OSBPL5: variants seen among roughly 807,000 people sequenced by gnomAD.
OSBPL5 encodes the protein oxysterol binding protein like 5.
In OSBPL5, 71 loss-of-function variants were observed where a neutral mutation model predicts 111.2. The observed-to-expected ratio is 0.64, with a 90% CI of 0.53 to 0.78. The LOEUF (loss-of-function observed/expected upper bound fraction) is 0.78. Ranked by LOEUF, OSBPL5 falls within the 30% of genes least tolerant of loss-of-function variation. OSBPL5 has a pLI of 0.00. For synonymous variants in OSBPL5, 549 were observed against 513.9 expected (o/e 1.07, Z -0.93); for missense variants, 1,210 against 1,189.3 (o/e 1.02, Z -0.26).
In OSBPL5 at chr11:3,137,218, C is replaced by T. The variant is rs534681935; in HGVS notation, c.-21-8049G>A. ...AGATGCACTCCCTGAGAGCAGACAG[C>T]AGCATAAGAGACCAGGCTGCTGTGT... On this transcript the variant is annotated intron_variant, in intron 1 of 21. Transcript: ENST00000263650. Among the ~76,000 whole-genome samples the T allele has an allele frequency of 8.9e-4, 135 of 152,344 alleles. 1 individual carries two copies. The highest frequency in any genetic ancestry group is 3.1e-3 in the African/African-American group (130 of 41,576).
At chr11:3,164,980 C>A (rs1265291082) in intron 1 of OSBPL5, among the ~76,000 whole-genome samples, 2 of 151,002 alleles carry the variant, frequency 1.3e-5, no homozygotes, top group East Asian at 2.0e-4. Context: ...TGGCCCGGGG[C>A]GCCCCCAGGC....
In OSBPL5 at chr11:3,104,179, G is replaced by C. The variant is rs772309275; in HGVS notation, c.1244+14C>G. ...GGACGAGGTGTGGGGTGCCCCTCCC[G>C]GCATGGCGCGCACCTGGAGAGCAGG... On this transcript the variant is annotated intron_variant, in intron 10 of 21. Coordinates refer to ENST00000263650, the MANE Select transcript of OSBPL5 (RefSeq NM_020896.4). The surrounding 1 kb of genome is among the most constrained non-coding windows in gnomAD (Gnocchi z 5.0). 11 of 1,592,590 alleles carry C rather than the reference G, an allele frequency of 6.9e-6. No individual in the cohort carries two copies. The highest frequency in any genetic ancestry group is 8.6e-6 in the Non-Finnish European group (10 of 1,164,218).
chr11:3,094,431 C>T (rs1857180039), intron 14 of OSBPL5, 97 bp from the exon 15 acceptor site: 10 of 924,716 alleles, frequency 1.1e-5, no homozygotes, highest in Admixed American at 6.0e-5. Flanking sequence ...CCCTGAGTCC[C>T]GACCCAGCAG....
At position 3,104,833 on chromosome 11, in the gene OSBPL5, TG is replaced by T. The variant is rs1474504844; in HGVS notation, c.1060-457del. Among the ~76,000 whole-genome samples the T allele has an allele frequency of 7.9e-5, 12 of 152,210 alleles. No individual in the cohort carries two copies. Among genetic ancestry groups the T allele is most frequent in the African/African-American group, 2.7e-4 (11 of 41,458 alleles). On this transcript the variant is annotated intron_variant, in intron 9 of 21. Coordinates refer to ENST00000263650, the MANE Select transcript of OSBPL5 (RefSeq NM_020896.4). This position sits in a 1 kb window ranked among gnomAD's most constrained non-coding sequence, Gnocchi z 5.0. ...AAGGTTATTGTAACATTTCTTTTTCTGTTTTTGAACCACTTTATTGAGGTCT... is the reference window on the plus strand; with the variant it reads ...AAGGTTATTGTAACATTTCTTTTTCTTTTTTGAACCACTTTATTGAGGTCT...
chr11:3,107,085 C>T lies in OSBPL5; in HGVS notation c.1059+178G>A, dbSNP rs4469872. Among the ~76,000 whole-genome samples the T allele has an allele frequency of 0.5, 76,008 of 152,106 alleles. 21,402 individuals carry two copies. Among genetic ancestry groups the T allele is most frequent in the African/African-American group, 0.75 (31,325 of 41,502 alleles). ...CCAGCGGGGCAGCCTCTTTGGAAGA[C>T]GGGAGGAGCCTGTTTACCTAAAAGA... On this transcript the variant is annotated intron_variant, in intron 9 of 21. Transcript: ENST00000263650. This position sits in a 1 kb window ranked among gnomAD's most constrained non-coding sequence, Gnocchi z 6.1.
chr11:3,103,641 C>G (rs562151096), intron 10 of OSBPL5, among the ~76,000 whole-genome samples: 1 of 150,310 alleles, frequency 6.7e-6, no homozygotes, highest in African/African-American at 2.5e-5. Flanking sequence ...GGCTCCTGAG[C>G]CTGCAGCCCC....
intron 1 of OSBPL5, among the ~76,000 whole-genome samples, chr11:3,152,071 C>T (rs1317280903): frequency 1.4e-4 from 22 of 152,196 alleles, no homozygotes; most frequent in Admixed American, 9.8e-4. Flanking sequence ...CCCAGCCTCC[C>T]GATTACATCA....
In OSBPL5 at chr11:3,104,260, C is replaced by A. The variant is rs573910214; in HGVS notation, c.1177G>T (p.Val393Leu). The change falls in exon 10 of 22, where the codon GTA (valine) becomes TTA (leucine). Residue 393 changes from valine to leucine, a missense_variant. Physicochemically the swap from Val to Leu is conservative, Grantham distance 32. Transcript: ENST00000263650. This position sits in a 1 kb window ranked among gnomAD's most constrained non-coding sequence, Gnocchi z 5.0. ...TTCAGGAAGGAGCGCGGCTCCAGTACGAACGTGGGTAGCACCACGCGGGAC... is the reference window on the plus strand; with the variant it reads ...TTCAGGAAGGAGCGCGGCTCCAGTAAGAACGTGGGTAGCACCACGCGGGAC... ...DLSRVVLPTFVLEPRSFLNKL... is the reference protein window; with the variant it reads ...DLSRVVLPTFLLEPRSFLNKL... 3.1e-6 allele frequency: 5 copies of A among 1,613,618 alleles called. No individual in the cohort carries two copies. Among genetic ancestry groups the A allele is most frequent in the Non-Finnish European group, 3.4e-6 (4 of 1,179,914 alleles).
At position 3,140,725 on chromosome 11, in the gene OSBPL5, C is replaced by T. The variant is rs1759585854; in HGVS notation, c.-21-11556G>A. Among the ~76,000 whole-genome samples the T allele has an allele frequency of 6.6e-6, 1 of 152,180 alleles. No individual in the cohort carries two copies. The highest frequency in any genetic ancestry group is 1.5e-5 in the Non-Finnish European group (1 of 68,024). On this transcript the variant is annotated intron_variant, in intron 1 of 21. Transcript: ENST00000263650. The surrounding 1 kb of genome is among the most constrained non-coding windows in gnomAD (Gnocchi z 4.5). ...CAAGACCAGAGAGGTCATAAGGTCA[C>T]CTGCTGCCCACACGTCCCATCCTAG...
chr11:3,132,458 G>A (rs761438974), intron 1 of OSBPL5, among the ~76,000 whole-genome samples: 4 of 152,004 alleles, frequency 2.6e-5, no homozygotes, highest in Admixed American at 1.3e-4. Context: ...TGGTGGGGAG[G>A]TGTTTTGTTC....
At chr11:3,093,322 G>T in intron 17 of OSBPL5, 1 of 872,582 alleles carries the variant, frequency 1.1e-6, no homozygotes, top group Non-Finnish European at 1.7e-6. Flanking sequence ...AGAGGTCACG[G>T]CAGCCGGCTC....
In OSBPL5 at chr11:3,141,498, C is replaced by G. The variant is rs1014200890; in HGVS notation, c.-21-12329G>C. Among the ~76,000 whole-genome samples, 2 of 152,136 alleles carry G rather than the reference C, an allele frequency of 1.3e-5. No homozygotes were observed. The highest frequency in any genetic ancestry group is 4.8e-5 in the African/African-American group (2 of 41,434). ...GGGGGGGTCTCAAACAGAAGGACCC[C>G]CAATCTGTCTTCCGCTGTGGTGGAG... On this transcript the variant is annotated intron_variant, in intron 1 of 21. Transcript: ENST00000263650. The surrounding 1 kb of genome is among the most constrained non-coding windows in gnomAD (Gnocchi z 6.5).
intron 14 of OSBPL5, among the ~76,000 whole-genome samples, chr11:3,095,191 C>A (rs1857211410): frequency 6.6e-6 from 1 of 151,524 alleles, no homozygotes; most frequent in African/African-American, 2.4e-5. Context: ...CTGTGCAGCT[C>A]TGATGGGGGG....
At position 3,092,622 on chromosome 11, in the gene OSBPL5, G is replaced by A; in HGVS notation, c.2133-64C>T. 4 of 1,489,612 alleles carry A rather than the reference G, an allele frequency of 2.7e-6. No homozygotes were observed. The highest frequency in any genetic ancestry group is 1.3e-5 in the South Asian group (1 of 76,048). 92.3% of individuals were successfully genotyped at this position (1,489,612 alleles called of 1,614,324 possible). A position where few individuals can be genotyped will look rare whatever the true frequency, so the allele number is the denominator to read the frequency against. On this transcript the variant is annotated intron_variant, in intron 18 of 21. Coordinates refer to ENST00000263650, the MANE Select transcript of OSBPL5 (RefSeq NM_020896.4). The surrounding 1 kb of genome is among the most constrained non-coding windows in gnomAD (Gnocchi z 5.4). ...GCCCTCAGGTGAGGGGGCTGTCCTG[G>A]CCCAGTCTTCAGCCCCCCAACAGTG...
chr11:3,137,647 T>G (rs1845986792), intron 1 of OSBPL5, among the ~76,000 whole-genome samples: 1 of 152,166 alleles, frequency 6.6e-6, no homozygotes, highest in East Asian at 1.9e-4. Context: ...ACCCTGTCTC[T>G]ACAAACATAA....
In OSBPL5 at chr11:3,140,193, A is replaced by T. The variant is rs2134508416; in HGVS notation, c.-21-11024T>A. On this transcript the variant is annotated intron_variant, in intron 1 of 21. Transcript: ENST00000263650. This position sits in a 1 kb window ranked among gnomAD's most constrained non-coding sequence, Gnocchi z 4.5. Reference sequence around the variant, plus strand: ...TATTAACAGAGGTTGAGTCCTCAGAAGGAGGGAGGGGATAATTGCAGTGGT... The same window carrying T: ...TATTAACAGAGGTTGAGTCCTCAGATGGAGGGAGGGGATAATTGCAGTGGT... 6.6e-6 allele frequency among the ~76,000 whole-genome samples: 1 copy of T among 152,346 alleles called. No individual in the cohort carries two copies. Among genetic ancestry groups the T allele is most frequent in the East Asian group, 1.9e-4 (1 of 5,188 alleles).
chr11:3,110,652 T>G lies in OSBPL5; in HGVS notation c.692-2707A>C, dbSNP rs1240108807. On this transcript the variant is annotated intron_variant, in intron 7 of 21. Transcript: ENST00000263650. The surrounding 1 kb of genome is among the most constrained non-coding windows in gnomAD (Gnocchi z 5.3). ...TGCTTAGGGCCAACCTGCCTCCCAT[T>G]CTATTCCAAGTCACCCCTCTGCTCA... is the stretch of plus-strand genomic sequence containing the variant. 6.6e-6 allele frequency among the ~76,000 whole-genome samples: 1 copy of G among 152,124 alleles called. No individual in the cohort carries two copies. The highest frequency in any genetic ancestry group is 1.5e-5 in the Non-Finnish European group (1 of 68,028).
At chr11:3,117,008 C>T (rs929423311) in intron 7 of OSBPL5, among the ~76,000 whole-genome samples, 5 of 152,160 alleles carry the variant, frequency 3.3e-5, no homozygotes, top group African/African-American at 1.2e-4. Context: ...AAATTTGGAG[C>T]ATATTTGTTT....
Position 3,107,878 on chromosome 11 carries a change from G to C in OSBPL5, c.759C>G (p.Cys253Trp). 1 of 1,607,346 alleles carries C rather than the reference G, an allele frequency of 6.2e-7. No individual in the cohort carries two copies. Residue 253 changes from cysteine (C) to tryptophan (W), a missense_variant, in exon 8 of 22, where the codon TGC (cysteine) becomes TGG (tryptophan). Coordinates refer to ENST00000263650, the MANE Select transcript of OSBPL5 (RefSeq NM_020896.4). The surrounding 1 kb of genome is among the most constrained non-coding windows in gnomAD (Gnocchi z 6.1). The part of the protein sequence containing the change: ...RCSSLLRLGT[C>W]KPGRDGEPGT... ...CTGGCTCCCCGTCTCGGCCCGGCTT[G>C]CAGGTGCCCAGTCTCAGTAGGCTAG...
Sources: allele counts gnomAD v4.1 joint callset (sites outside exome capture counted in the v4.1 genomes callset), GRCh38; gene constraint gnomAD v4.1.1; non-coding constraint Gnocchi (gnomAD v3.1); transcripts MANE v1.5; gene names NCBI Gene and HGNC (gene_info 2026-07-23, HGNC 2026-07-21).